Variants in CPEB2 observed in about 807,000 individuals in gnomAD.
CPEB2 encodes the protein cytoplasmic polyadenylation element-binding protein 2.
In CPEB2, 56 loss-of-function variants were observed where a neutral mutation model predicts 93.6. That is an observed-to-expected ratio of 0.60 (90% CI 0.48 to 0.75). The LOEUF is 0.75. CPEB2 is among the 30% of genes least tolerant of loss of function. CPEB2 has a pLI of 0.00. For synonymous variants in CPEB2, 764 were observed against 586.3 expected (o/e 1.30, Z -4.38); for missense variants, 1,579 against 1,395.1 (o/e 1.13, Z -2.10).
Position 15,002,990 on chromosome 4 carries a change from C to A in CPEB2, c.317C>A (p.Ala106Glu). ...ELLLGLTQQP[A>E]RPLSGAAATE... is the part of the protein sequence containing the mutation. ...CTTCTGGGGCTGACACAGCAGCCGG[C>A]GCGGCCGCTTTCGGGGGCGGCGGCC... The change falls in exon 1 of 12, where the codon GCG (alanine) becomes GAG (glutamate). Residue 106 changes from alanine (A) to glutamate (E), a missense_variant. Physicochemically the swap from Ala to Glu is moderately radical, Grantham distance 107. Around this residue, in one of 2 missense-constraint regions of CPEB2, gnomAD observed 1,411 missense variants for 1,056.0 expected, o/e 1.34. Coordinates refer to ENST00000538197, the MANE Select transcript of CPEB2 (RefSeq NM_001177382.2). 6.7e-7 allele frequency: 1 copy of A among 1,501,420 alleles called. No homozygotes were observed. Among genetic ancestry groups the A allele is most frequent in the South Asian group, 1.3e-5 (1 of 79,796 alleles). 93.0% of individuals were successfully genotyped at this position (1,501,420 alleles called of 1,614,324 possible). A position where few individuals can be genotyped will look rare whatever the true frequency, so the allele number is the denominator to read the frequency against.
intron 7 of CPEB2, among the ~76,000 whole-genome samples, chr4:15,053,803 T>G (rs890725371): frequency 2.0e-5 from 3 of 152,144 alleles, no homozygotes; most frequent in African/African-American, 7.2e-5. Context: ...TATGTTGGCA[T>G]TTTTTTCAAT....
At chr4:15,062,776 T>TG (rs1491468514) in intron 11 of CPEB2, among the ~76,000 whole-genome samples, 1 of 152,116 alleles carries the variant, frequency 6.6e-6, no homozygotes, top group East Asian at 1.9e-4. Flanking sequence ...AAAATAAAAA[T>TG]GCATTGTGTG....
chr4:15,011,353 G>T (rs187694990), intron 3 of CPEB2, among the ~76,000 whole-genome samples: 2 of 151,910 alleles, frequency 1.3e-5, no homozygotes, highest in Non-Finnish European at 2.9e-5. Flanking sequence ...CGCCCGCCTC[G>T]GCCTCCAGAG....
intron 5 of CPEB2, among the ~76,000 whole-genome samples, chr4:15,033,687 T>C (rs1726344587): frequency 6.6e-6 from 1 of 152,218 alleles, no homozygotes; most frequent in African/African-American, 2.4e-5. Flanking sequence ...ACTAGAAAGC[T>C]TACATAGAGA....
At position 15,066,226 on chromosome 4, in the gene CPEB2, T is replaced by A; in HGVS notation, c.2951T>A (p.Phe984Tyr). ...CAGGGCGCACGCTGTGGTGGAAAATTTGCTCCCTTTTTTTGTGCCAATGTC... is the reference window on the plus strand; with the variant it reads ...CAGGGCGCACGCTGTGGTGGAAAATATGCTCCCTTTTTTTGTGCCAATGTC... The part of the protein sequence containing the change: ...ECQGARCGGK[F>Y]APFFCANVTC... The change falls in exon 12 of 12, where the codon TTT (phenylalanine) becomes TAT (tyrosine). Residue 984 changes from phenylalanine to tyrosine, a missense_variant. Physicochemically the swap from Phe to Tyr is conservative, Grantham distance 22. Around this residue, in one of 2 missense-constraint regions of CPEB2, gnomAD observed 168 missense variants for 339.1 expected, o/e 0.50. Coordinates refer to ENST00000538197, the MANE Select transcript of CPEB2 (RefSeq NM_001177382.2). 13 of 1,613,534 alleles carry A rather than the reference T, an allele frequency of 8.1e-6. No individual in the cohort carries two copies. The highest frequency in any genetic ancestry group is 1.1e-5 in the Non-Finnish European group (13 of 1,179,648).
chr4:15,008,268 C>A, intron 2 of CPEB2, 70 bp from the exon 3 acceptor site: 1 of 1,047,992 alleles, frequency 9.5e-7, no homozygotes, highest in Non-Finnish European at 1.5e-6. Flanking sequence ...TGTTTTCTTT[C>A]TTTCTTTCGT....
intron 1 of CPEB2, chr4:15,006,305 A>G (rs1722808066): frequency 6.6e-6 from 1 of 152,134 alleles, no homozygotes; most frequent in Non-Finnish European, 1.5e-5. Context: ...ATTTTAAGAG[A>G]ACCATATTTA....
Position 15,062,158 on chromosome 4 carries a change from C to T in CPEB2, c.2775C>T (p.Tyr925=), listed in dbSNP as rs778243663. The T allele has an allele frequency of 1.2e-6, 2 of 1,612,702 alleles. No individual in the cohort carries two copies. The highest frequency in any genetic ancestry group is 1.7e-6 in the Non-Finnish European group (2 of 1,179,158). Residue 925 remains tyrosine (Y), a synonymous_variant, in exon 11 of 12, where the codon TAC becomes TAT. Coordinates refer to ENST00000538197, the MANE Select transcript of CPEB2 (RefSeq NM_001177382.2). ...TTGATACAGATCCTGAGCTAAAATA[C>T]CCAAAAGGTGCTGGGCGAGTTGCTT... The part of the protein sequence containing the change: ...AGIDTDPELK[Y]PKGAGRVAFS...
rs1203432914 is a variant in CPEB2 at position 15,003,838 on chromosome 4, TCGCCGCCACCCCAGCCCCAGCAGC to T, written c.1173_1196del (p.Pro392_Pro399del). On this transcript the variant is annotated inframe_deletion, in exon 1 of 12. Coordinates refer to ENST00000538197, the MANE Select transcript of CPEB2 (RefSeq NM_001177382.2). ...CACCCCCTGGTCGGTGCAGACCGCG[TCGCCGCCACCCCAGCCCCAGCAGC>T]CGCCGCCGACCCAGCCGCAGCAGCA... The T allele has an allele frequency of 1.8e-5, 16 of 880,520 alleles. No individual in the cohort carries two copies. Among genetic ancestry groups the T allele is most frequent in the Non-Finnish European group, 2.4e-5 (16 of 670,000 alleles). The allele number at this position is 880,520 out of a possible 1,614,324, so 54.5% of individuals were successfully genotyped here. A position where few individuals can be genotyped will look rare whatever the true frequency, so the allele number is the denominator to read the frequency against.
chr4:15,003,144 C>T lies in CPEB2; in HGVS notation c.471C>T (p.Cys157=), dbSNP rs1722208480. The change falls in exon 1 of 12, where the codon TGC becomes TGT. Residue 157 remains cysteine (C), a synonymous_variant. Coordinates refer to ENST00000538197, the MANE Select transcript of CPEB2 (RefSeq NM_001177382.2). The part of the protein sequence containing the change: ...PSSSSASSCC[C]CRTSSPQDFS... ...CCTCCTCCGCCTCCTCCTGCTGCTG[C>T]TGCCGCACCTCCTCCCCGCAGGACT... 2.0e-6 allele frequency: 3 copies of T among 1,533,854 alleles called. No homozygotes were observed. The East Asian group carries it at 7.4e-5, about 38-fold the overall frequency.
intron 4 of CPEB2, among the ~76,000 whole-genome samples, chr4:15,019,509 C>A (rs1197683608): frequency 6.6e-6 from 1 of 151,968 alleles, no homozygotes; most frequent in African/African-American, 2.4e-5. Context: ...TGCTTTCCTT[C>A]TTTCCATTAC....
At position 15,002,599 on chromosome 4, in the gene CPEB2, A is replaced by G; in HGVS notation, c.-75A>G. The G allele has an allele frequency of 7.8e-7, 1 of 1,281,334 alleles. No homozygotes were observed. The highest frequency in any genetic ancestry group is 1.0e-6 in the Non-Finnish European group (1 of 964,994). The allele number at this position is 1,281,334 out of a possible 1,614,324, so 79.4% of individuals were successfully genotyped here. On this transcript the variant is annotated 5_prime_UTR_variant, in exon 1 of 12. Coordinates refer to ENST00000538197, the MANE Select transcript of CPEB2 (RefSeq NM_001177382.2). ...CCCCCTCCTTCCACCACGGCCGCGCAACCCCAGCGCCGGCGGCTTCCTAGG... is the reference window on the plus strand; with the variant it reads ...CCCCCTCCTTCCACCACGGCCGCGCGACCCCAGCGCCGGCGGCTTCCTAGG...
rs1332817740 is a variant in CPEB2, at chr4:15,002,721, T to C, written c.48T>C (p.Ser16=). ...FGVLQTAPLR[S]SSPGPLFCGE... Reference sequence around the variant, plus strand: ...TGCTGCAGACCGCCCCGCTCCGAAGTAGCAGTCCTGGGCCCCTGTTCTGCG... The same window carrying C: ...TGCTGCAGACCGCCCCGCTCCGAAGCAGCAGTCCTGGGCCCCTGTTCTGCG... The change falls in exon 1 of 12, where the codon AGT becomes AGC. Residue 16 remains serine (S), a synonymous_variant. Transcript: ENST00000538197. 1.2e-5 allele frequency: 18 copies of C among 1,529,456 alleles called. 1 individual carries two copies. Among genetic ancestry groups the C allele is most frequent in the Middle Eastern group, 1.7e-4 (1 of 5,952 alleles). The allele number at this position is 1,529,456 out of a possible 1,614,324, so 94.7% of individuals were successfully genotyped here. A position where few individuals can be genotyped will look rare whatever the true frequency, so the allele number is the denominator to read the frequency against.
At chr4:15,043,340 T>G (rs925740233) in intron 6 of CPEB2, among the ~76,000 whole-genome samples, 9 of 152,198 alleles carry the variant, frequency 5.9e-5, no homozygotes, top group African/African-American at 1.9e-4. Flanking sequence ...TTTCTGTCCC[T>G]GCTTTTTAGT....
chr4:15,065,752 C>T (rs1325411013), intron 11 of CPEB2, among the ~76,000 whole-genome samples: 2 of 152,072 alleles, frequency 1.3e-5, no homozygotes, highest in South Asian at 2.1e-4. Context: ...CTCGCACCTG[C>T]AGTGGAGAGG....
At chr4:15,048,981 A>G (rs1386965426) in intron 6 of CPEB2, among the ~76,000 whole-genome samples, 1 of 152,016 alleles carries the variant, frequency 6.6e-6, no homozygotes, top group Non-Finnish European at 1.5e-5. Context: ...CTTCTTTTAA[A>G]TGAGTATTTA....
In CPEB2 at chr4:15,066,436, G is replaced by GC; in HGVS notation, c.*56_*57insC. 1 of 1,259,676 alleles carries GC rather than the reference G, an allele frequency of 7.9e-7. No homozygotes were observed. The highest frequency in any genetic ancestry group is 1.1e-6 in the Non-Finnish European group (1 of 881,536). 78.0% of individuals were successfully genotyped at this position (1,259,676 alleles called of 1,614,324 possible). ...AAAGAAAGGGTGCATGTGGCTTACT[G>GC]TGTCTGAAGATACTGACATGCAGAA... On this transcript the variant is annotated 3_prime_UTR_variant, in exon 12 of 12. Coordinates refer to ENST00000538197, the MANE Select transcript of CPEB2 (RefSeq NM_001177382.2).
chr4:15,020,749 G>A (rs539947081), intron 4 of CPEB2, among the ~76,000 whole-genome samples: 5 of 152,282 alleles, frequency 3.3e-5, no homozygotes, highest in South Asian at 2.1e-4. Context: ...GACACTGCAC[G>A]TTGTCGGAGA....
chr4:15,015,684 C>T (rs62409267), intron 3 of CPEB2, among the ~76,000 whole-genome samples: 1,678 of 152,016 alleles, frequency 0.011, 15 homozygotes, highest in Admixed American at 0.023. Context: ...AGCTATAAAC[C>T]TTTTCTTCGG....
Sources: gnomAD v4.1 joint callset for allele counts (sites outside exome capture counted in the v4.1 genomes callset) on GRCh38, gnomAD v4.1.1 for gene constraint, gnomAD v4.1.1 regional missense constraint, MANE v1.5 for transcripts, NCBI Gene and HGNC (gene_info 2026-07-23, HGNC 2026-07-21) for gene names.